The following LAMA2 variants were observed in gnomAD, a reference collection of about 807,000 sequenced individuals.
LAMA2 encodes the protein laminin subunit alpha-2.
LAMA2 carries 269 observed loss-of-function variants against 364.8 expected under a neutral mutation model. The observed-to-expected ratio is 0.74, with a 90% CI of 0.67 to 0.82. The LOEUF (loss-of-function observed/expected upper bound fraction) is 0.82, where lower values mean the gene tolerates loss of function less well. LAMA2 is among the 40% of genes least tolerant of loss of function. The pLI is 0.00. For missense variants in LAMA2, 3,807 were observed against 3,873.2 expected (o/e 0.98, Z 0.45); for synonymous variants, 1,379 against 1,370.6 (o/e 1.01, Z -0.14).
intron 29 of LAMA2, among the ~76,000 whole-genome samples, chr6:129,335,507 T>G (rs769973316): frequency 1.2e-4 from 18 of 152,072 alleles, no homozygotes; most frequent in Non-Finnish European, 1.9e-4. Flanking sequence ...CTCAAACAAC[T>G]TTTTAAAGAT....
chr6:129,207,607 T>A (rs1782762168), intron 12 of LAMA2, among the ~76,000 whole-genome samples: 1 of 152,132 alleles, frequency 6.6e-6, no homozygotes, highest in Admixed American at 6.5e-5. Flanking sequence ...TTTTTCAAAA[T>A]ATTTGAAAAT....
chr6:129,192,603 C>T (rs183254689), intron 11 of LAMA2, 77 bp from the exon 12 acceptor site: 142 of 1,409,452 alleles, frequency 1.0e-4, no homozygotes, highest in African/African-American at 9.6e-4. Context: ...AAAGTGGACA[C>T]GACCAGGAAC....
Position 129,452,476 on chromosome 6 carries a change from A to G in LAMA2, c.6430-512A>G, listed in dbSNP as rs1472996047. Among the ~76,000 whole-genome samples, 3 of 152,192 alleles carry G rather than the reference A, an allele frequency of 2.0e-5. No individual in the cohort carries two copies. The East Asian group carries it at 5.8e-4, about 29-fold the overall frequency. On this transcript the variant is annotated intron_variant, in intron 45 of 64. Coordinates refer to ENST00000421865, the MANE Select transcript of LAMA2 (RefSeq NM_000426.4). ...AATGATTAATATTCTTCTTATTGTT[A>G]GAACATCTAGAACAAAATCTATTTG...
At chr6:128,980,061 G>T (rs1407929259) in intron 1 of LAMA2, among the ~76,000 whole-genome samples, 1 of 152,080 alleles carries the variant, frequency 6.6e-6, no homozygotes, top group Non-Finnish European at 1.5e-5. Context: ...CACAATACAG[G>T]TTCATCATAG....
intron 1 of LAMA2, among the ~76,000 whole-genome samples, chr6:128,991,559 A>G (rs1257141766): frequency 6.6e-6 from 1 of 152,218 alleles, no homozygotes; most frequent in East Asian, 1.9e-4. Flanking sequence ...TCTGCTTTTC[A>G]TACTAAACAG....
chr6:129,181,289 C>T (rs1359849091), intron 10 of LAMA2, among the ~76,000 whole-genome samples: 1 of 151,810 alleles, frequency 6.6e-6, no homozygotes, highest in Non-Finnish European at 1.5e-5. Context: ...AAACCAGTAG[C>T]CACAAAAATG....
rs1036576722 is a variant in LAMA2, at chr6:129,088,542, C to T, written c.397-9631C>T. Among the ~76,000 whole-genome samples the T allele has an allele frequency of 6.6e-5, 10 of 151,180 alleles. No homozygotes were observed. In the South Asian group the frequency reaches 1.9e-3, roughly 29 times the overall value. On this transcript the variant is annotated intron_variant, in intron 3 of 64. Coordinates refer to ENST00000421865, the MANE Select transcript of LAMA2 (RefSeq NM_000426.4). ...GGCGGGGGCTGCCCCCTACCTCCCT[C>T]CTGGACGGGGCGGCTGGCAGGGTGG...
chr6:129,438,559 A>T (rs532545380), intron 41 of LAMA2, 87 bp from the exon 42 acceptor site: 2 of 676,528 alleles, frequency 3.0e-6, no homozygotes, highest in Non-Finnish European at 5.3e-6. Flanking sequence ...TTAATTTTAT[A>T]TTAAAATAAC....
At chr6:129,216,618 G>A (rs1164345928) in intron 12 of LAMA2, among the ~76,000 whole-genome samples, 2 of 152,124 alleles carry the variant, frequency 1.3e-5, no homozygotes, top group Non-Finnish European at 2.9e-5. Flanking sequence ...AGGGCTATAT[G>A]AGATCCATTT....
In LAMA2 at chr6:129,119,641, G is replaced by A. The variant is rs888507077; in HGVS notation, c.639+21226G>A. On this transcript the variant is annotated intron_variant, in intron 4 of 64. Transcript: ENST00000421865. ...TGGCTCACTGCAAGCTCCGCCTCCC[G>A]GGTTCACGCCATTCTCCTGCCTCAG... Among the ~76,000 whole-genome samples, 16 of 152,120 alleles carry A rather than the reference G, an allele frequency of 1.1e-4. No individual in the cohort carries two copies. The East Asian group carries it at 2.1e-3, about 20-fold the overall frequency.
intron 1 of LAMA2, among the ~76,000 whole-genome samples, chr6:128,908,493 A>AT (rs1479560729): frequency 1.4e-5 from 2 of 147,500 alleles, no homozygotes; most frequent in Admixed American, 6.8e-5. Flanking sequence ...CCCCTTTATC[A>AT]TTTTTTATTG....
chr6:128,910,815 G>C (rs1280506143), intron 1 of LAMA2, among the ~76,000 whole-genome samples: 13 of 149,642 alleles, frequency 8.7e-5, no homozygotes. Flanking sequence ...ATGGGTTCTT[G>C]GTGTGGATGT....
At chr6:128,941,448 G>C (rs1361737416) in intron 1 of LAMA2, among the ~76,000 whole-genome samples, 1 of 152,266 alleles carries the variant, frequency 6.6e-6, no homozygotes, top group Admixed American at 6.5e-5. Context: ...TTGAATGAAT[G>C]AATCAATCAA....
chr6:129,004,401 A>C (rs1784299711), intron 1 of LAMA2, among the ~76,000 whole-genome samples: 1 of 82,012 alleles, frequency 1.2e-5, no homozygotes, highest in Non-Finnish European at 2.9e-5. Context: ...CTTAGAGTAT[A>C]ATAATAAAAA....
Position 129,184,279 on chromosome 6 carries a change from T to A in LAMA2, c.1468-5926T>A, listed in dbSNP as rs562133010. The stretch of plus-strand genomic sequence containing the variant: ...GCATTTTTACAAATGGACTTCAATG[T>A]GTACATTTAATCCTGAATCTAAATT... On this transcript the variant is annotated intron_variant, in intron 10 of 64. Transcript: ENST00000421865. Among the ~76,000 whole-genome samples the A allele has an allele frequency of 2.0e-5, 3 of 152,126 alleles. No individual in the cohort carries two copies. The East Asian group carries it at 5.8e-4, about 29-fold the overall frequency.
At chr6:129,496,494 T>C (rs1409127414) in intron 58 of LAMA2, among the ~76,000 whole-genome samples, 1 of 152,158 alleles carries the variant, frequency 6.6e-6, no homozygotes, top group African/African-American at 2.4e-5. Context: ...ACATTATAAT[T>C]AGTTATGACT....
intron 7 of LAMA2, among the ~76,000 whole-genome samples, chr6:129,152,302 C>A (rs546075124): frequency 3.5e-4 from 53 of 152,240 alleles, no homozygotes; most frequent in African/African-American, 1.2e-3. Context: ...GAATTGTATT[C>A]AAGGGTTGAT....
intron 64 of LAMA2, among the ~76,000 whole-genome samples, chr6:129,515,566 T>A (rs754450296): frequency 4.7e-4 from 72 of 152,214 alleles, no homozygotes; most frequent in Non-Finnish European, 7.9e-4. Flanking sequence ...CCAACCTACT[T>A]AACCTTTAGG....
At chr6:128,952,042 C>G (rs571703404) in intron 1 of LAMA2, among the ~76,000 whole-genome samples, 1 of 152,142 alleles carries the variant, frequency 6.6e-6, no homozygotes, top group East Asian at 1.9e-4. Flanking sequence ...TGGCACATGT[C>G]TGTAGTCCCT....
Sources: gnomAD v4.1 joint callset for allele counts (sites outside exome capture counted in the v4.1 genomes callset) on GRCh38, gnomAD v4.1.1 for gene constraint, MANE v1.5 for transcripts, NCBI Gene and HGNC (gene_info 2026-07-23, HGNC 2026-07-21) for gene names.